STARD9: variants seen among roughly 807,000 people sequenced by gnomAD.
The protein encoded by STARD9 is stAR-related lipid transfer protein 9.
STARD9 carries 346 observed loss-of-function variants against 399.8 expected under a neutral mutation model. The observed-to-expected ratio is 0.87, with a 90% CI of 0.79 to 0.95. STARD9 has a LOEUF of 0.95. Among genes scored for constraint, STARD9 ranks in the 40% least tolerant of loss-of-function variants. The pLI is 0.00. For synonymous variants in STARD9, 2,203 were observed against 2,143.5 expected, an observed-to-expected ratio of 1.03 and a Z score of -0.77; for missense variants, 5,832 against 5,667.5, an observed-to-expected ratio of 1.03 and a Z score of -0.93.
intron 3 of STARD9, among the ~76,000 whole-genome samples, chr15:42,622,313 A>G (rs992746266): frequency 1.3e-5 from 2 of 151,850 alleles, no homozygotes; most frequent in African/African-American, 4.8e-5. Context: ...ATGAAAGCCA[A>G]GTTTCTCATT....
At chr15:42,716,413 C>T (rs1279978639) in intron 26 of STARD9, among the ~76,000 whole-genome samples, 2 of 152,218 alleles carry the variant, frequency 1.3e-5, no homozygotes, top group Non-Finnish European at 2.9e-5. Context: ...CCCATACTCT[C>T]AGGCCCTGGT....
At position 42,685,655 on chromosome 15, in the gene STARD9, A is replaced by G; in HGVS notation, c.4077A>G (p.Pro1359=). The G allele has an allele frequency of 6.5e-7, 1 of 1,537,346 alleles. No homozygotes were observed. Among genetic ancestry groups the G allele is most frequent in the Non-Finnish European group, 8.7e-7 (1 of 1,146,922 alleles). ...CAGGAATAGTGGGTTCTTTATGTCC[A>G]AGTCCTGATATGCAGGAATTTCACT... ...SPPGIVGSLC[P]SPDMQEFHSC... Residue 1359 remains proline (P), a synonymous_variant, in exon 23 of 33, where the codon CCA becomes CCG. Coordinates refer to ENST00000290607, the MANE Select transcript of STARD9 (RefSeq NM_020759.3).
chr15:42,655,029 C>T (rs569513760), intron 9 of STARD9, among the ~76,000 whole-genome samples: 2 of 152,316 alleles, frequency 1.3e-5, no homozygotes, highest in South Asian at 4.1e-4. Flanking sequence ...TGCCTGTAAT[C>T]CCAGCACTTT....
In STARD9 at chr15:42,606,723, A is replaced by G. The variant is rs182283957; in HGVS notation, c.234+21086A>G. Among the ~76,000 whole-genome samples, 25 of 151,890 alleles carry G rather than the reference A, an allele frequency of 1.6e-4. No homozygotes were observed. The East Asian group carries it at 4.7e-3, about 28-fold the overall frequency. On this transcript the variant is annotated intron_variant, in intron 3 of 32. Coordinates refer to ENST00000290607, the MANE Select transcript of STARD9 (RefSeq NM_020759.3). ...GTGGTCCTCCCACCTCAGCCTCCCA[A>G]AGTGCTGGGATTACAGGTGTAAGCC...
intron 9 of STARD9, among the ~76,000 whole-genome samples, chr15:42,657,496 T>C (rs1475048690): frequency 6.6e-6 from 1 of 151,876 alleles, no homozygotes; most frequent in African/African-American, 2.4e-5. Flanking sequence ...TCAAAATACA[T>C]GAAAACACTG....
intron 3 of STARD9, among the ~76,000 whole-genome samples, chr15:42,628,271 A>G (rs1367893458): frequency 3.3e-5 from 5 of 152,284 alleles, no homozygotes; most frequent in Non-Finnish European, 7.4e-5. Context: ...CTATTTTAAA[A>G]TTGAATTTTT....
chr15:42,610,836 C>T (rs1334125787), intron 3 of STARD9, among the ~76,000 whole-genome samples: 3 of 152,192 alleles, frequency 2.0e-5, no homozygotes, highest in African/African-American at 4.8e-5. Context: ...CGTGAGCTAC[C>T]GTGCCTGGCC....
intron 7 of STARD9, among the ~76,000 whole-genome samples, chr15:42,640,125 C>T (rs908995621): frequency 7.2e-5 from 11 of 152,076 alleles, no homozygotes; most frequent in Admixed American, 6.6e-4. Flanking sequence ...ACTATGTTGC[C>T]CAGGCTGGTC....
intron 3 of STARD9, among the ~76,000 whole-genome samples, chr15:42,611,313 A>G (rs914149021): frequency 3.3e-5 from 5 of 152,252 alleles, no homozygotes; most frequent in South Asian, 4.1e-4. Context: ...AATACTTGCT[A>G]TCTGGCTCTT....
chr15:42,638,649 T>A, intron 6 of STARD9, 51 bp from the exon 7 acceptor site: 1 of 1,303,460 alleles, frequency 7.7e-7, no homozygotes, highest in Non-Finnish European at 1.1e-6. Flanking sequence ...CAATGTTGTT[T>A]CTACTTTTTT....
chr15:42,646,121 A>G (rs958912181), intron 7 of STARD9, among the ~76,000 whole-genome samples: 1 of 152,148 alleles, frequency 6.6e-6, no homozygotes, highest in Non-Finnish European at 1.5e-5. Context: ...AGATTGTGCC[A>G]CTGCACTCTG....
chr15:42,636,155 G>T (rs559883334), intron 4 of STARD9, among the ~76,000 whole-genome samples: 1 of 152,250 alleles, frequency 6.6e-6, no homozygotes, highest in East Asian at 1.9e-4. Flanking sequence ...AAGTTAGCTG[G>T]GTGTGGGGGC....
At position 42,695,125 on chromosome 15, in the gene STARD9, C is replaced by A; in HGVS notation, c.12963-15C>A. The A allele has an allele frequency of 6.6e-7, 1 of 1,515,092 alleles. No individual in the cohort carries two copies. Among genetic ancestry groups the A allele is most frequent in the Non-Finnish European group, 8.8e-7 (1 of 1,132,536 alleles). 93.9% of individuals were successfully genotyped at this position (1,515,092 alleles called of 1,614,324 possible). ...CCCACCCACCATGTTCTTTCCACCC[C>A]GTGATCTTCCTCAGGAGCCCAGAGT... On this transcript the variant is annotated splice_polypyrimidine_tract_variant and intron_variant, in intron 24 of 32. Transcript: ENST00000290607.
intron 3 of STARD9, among the ~76,000 whole-genome samples, chr15:42,599,303 C>T (rs1050331778): frequency 5.9e-5 from 9 of 152,176 alleles, no homozygotes; most frequent in Non-Finnish European, 1.3e-4. Context: ...CAGAAAGTTT[C>T]AAATATACAT....
chr15:42,684,628 A>G lies in STARD9; in HGVS notation c.3050A>G (p.Gln1017Arg). 1 of 1,537,224 alleles carries G rather than the reference A, an allele frequency of 6.5e-7. No homozygotes were observed. Among genetic ancestry groups the G allele is most frequent in the Non-Finnish European group, 8.7e-7 (1 of 1,146,902 alleles). Residue 1017 changes from glutamine to arginine, a missense_variant, in exon 23 of 33, where the codon CAG becomes CGG. Physicochemically the swap from Gln to Arg is conservative, Grantham distance 43. Coordinates refer to ENST00000290607, the MANE Select transcript of STARD9 (RefSeq NM_020759.3). ...TCCTTGTATCCTCATGGACCCAGGC[A>G]GACTGCTGGGCACGGAAAGGCAGTC... ...CNSLYPHGPR[Q>R]TAGHGKAVKT...
intron 1 of STARD9, among the ~76,000 whole-genome samples, chr15:42,577,229 C>T (rs2058075605): frequency 6.6e-6 from 1 of 152,102 alleles, no homozygotes; most frequent in South Asian, 2.1e-4. Context: ...TCTCGGCTCA[C>T]TGCAAGCTCC....
At chr15:42,588,333 A>G (rs1453908330) in intron 3 of STARD9, among the ~76,000 whole-genome samples, 1 of 152,154 alleles carries the variant, frequency 6.6e-6, no homozygotes, top group Non-Finnish European at 1.5e-5. Context: ...TGAAAGCCCA[A>G]AAGGCCATAG....
intron 20 of STARD9, 92 bp downstream of exon 20, chr15:42,676,067 T>A: frequency 3.5e-6 from 2 of 577,886 alleles, no homozygotes; most frequent in Non-Finnish European, 6.1e-6. Flanking sequence ...GGGGGGTGAT[T>A]AATGTAGCAG....
intron 9 of STARD9, among the ~76,000 whole-genome samples, chr15:42,653,164 G>T (rs544790237): frequency 6.6e-6 from 1 of 151,976 alleles, no homozygotes; most frequent in African/African-American, 2.4e-5. Context: ...CTTTCACATC[G>T]GTGTGATCAG....
Sources: allele counts gnomAD v4.1 joint callset (sites outside exome capture counted in the v4.1 genomes callset), GRCh38; gene constraint gnomAD v4.1.1; transcripts MANE v1.5; gene names NCBI Gene and HGNC (gene_info 2026-07-23, HGNC 2026-07-21).